The following DNAH9 variants were observed in gnomAD, a reference collection of about 807,000 sequenced individuals.
The protein encoded by DNAH9 is dynein axonemal heavy chain 9, also known as DNAH9 variant protein.
Under a neutral mutation model 471.6 loss-of-function variants are expected in DNAH9, and 345 were observed. The observed-to-expected ratio is 0.73, with a 90% confidence interval of 0.67 to 0.80. The LOEUF is 0.80. DNAH9 is among the 30% of genes least tolerant of loss of function. The pLI is 0.00. For synonymous variants in DNAH9, 2,093 were observed against 2,123.6 expected, an observed-to-expected ratio of 0.99 and a Z score of 0.40; for missense variants, 5,407 against 5,609.2, an observed-to-expected ratio of 0.96 and a Z score of 1.15.
intron 38 of DNAH9, among the ~76,000 whole-genome samples, chr17:11,777,280 C>T (rs999377361): frequency 2.6e-5 from 4 of 152,196 alleles, no homozygotes; most frequent in African/African-American, 9.7e-5. Context: ...TTTACAGTAA[C>T]TATGTCATCC....
chr17:11,891,860 C>G lies in DNAH9; in HGVS notation c.11196C>G (p.Asp3732Glu), dbSNP rs1597795444. ...GGGAGCGGGTGGCCAACCTAATAGACAGCATAACCTTCTCTGTGTACCAGT... is the reference window on the plus strand; with the variant it reads ...GGGAGCGGGTGGCCAACCTAATAGAGAGCATAACCTTCTCTGTGTACCAGT... ...SLRERVANLIDSITFSVYQYT... is the reference protein window; with the variant it reads ...SLRERVANLIESITFSVYQYT... The change falls in exon 58 of 69, where the codon GAC becomes GAG. Residue 3732 changes from aspartate to glutamate, a missense_variant. Asp to Glu is a conservative substitution (Grantham distance 45). This residue lies in a region of DNAH9 where 4,636 missense variants were observed against 4,900.3 expected (regional missense o/e 0.95). Transcript: ENST00000262442. The G allele has an allele frequency of 6.2e-7, 1 of 1,614,144 alleles. No homozygotes were observed. Among genetic ancestry groups the G allele is most frequent in the Non-Finnish European group, 8.5e-7 (1 of 1,180,010 alleles).
In DNAH9 at chr17:11,679,904, G is replaced by T. The variant is rs748510441; in HGVS notation, c.3501G>T (p.Glu1167Asp). 1.9e-6 allele frequency: 3 copies of T among 1,614,080 alleles called. No individual in the cohort carries two copies. Among genetic ancestry groups the T allele is most frequent in the Non-Finnish European group, 2.5e-6 (3 of 1,179,986 alleles). Residue 1167 changes from glutamate to aspartate, a missense_variant, in exon 18 of 69, where the codon GAG (glutamate) becomes GAT (aspartate). By Grantham distance (45) the Glu-to-Asp change is conservative. Coordinates refer to ENST00000262442, the MANE Select transcript of DNAH9 (RefSeq NM_001372.4). ...ERQSNTDEMF[E>D]PLKQTIELLK... Reference sequence around the variant, plus strand: ...AGAGTAACACTGATGAGATGTTTGAGCCCTTAAAGCAGACTATTGAATTGC... The same window carrying T: ...AGAGTAACACTGATGAGATGTTTGATCCCTTAAAGCAGACTATTGAATTGC...
chr17:11,960,482 G>A (rs188643934), intron 67 of DNAH9, among the ~76,000 whole-genome samples: 1,583 of 136,668 alleles, frequency 0.012, 36 homozygotes, highest in African/African-American at 0.04. Context: ...GGCTGGGTGC[G>A]GAGGCTCATG....
At chr17:11,908,797 G>A (rs1385024883) in intron 61 of DNAH9, among the ~76,000 whole-genome samples, 2 of 152,194 alleles carry the variant, frequency 1.3e-5, no homozygotes, top group African/African-American at 4.8e-5. Context: ...CCACAAGGAA[G>A]AGTCTTTGAT....
At chr17:11,969,186 A>T in intron 68 of DNAH9, 114 bp from the exon 69 acceptor site, 1 of 882,392 alleles carries the variant, frequency 1.1e-6, no homozygotes, top group East Asian at 2.4e-5. Flanking sequence ...GGCAGGCATA[A>T]AGGCAGCCAT....
At chr17:11,873,465 C>G (rs1239198762) in intron 52 of DNAH9, 1 of 152,170 alleles carries the variant, frequency 6.6e-6, no homozygotes, top group Admixed American at 6.5e-5. Context: ...TTGCTGGATA[C>G]TGTAGTACTG....
intron 67 of DNAH9, among the ~76,000 whole-genome samples, chr17:11,948,383 C>T (rs971933675): frequency 3.9e-5 from 6 of 151,956 alleles, no homozygotes; most frequent in Non-Finnish European, 7.4e-5. Flanking sequence ...TGCCTGCCAC[C>T]GTGCCCGGCT....
Position 11,598,792 on chromosome 17 carries a change from T to A in DNAH9, c.294T>A (p.Ala98=). ...GACCTGAGTCGGGCCTGGCTGGCGC[T>A]AAGGCGCTTTTTTTCCTTCGCACCG... is the stretch of plus-strand genomic sequence containing the variant. ...EVGPESGLAG[A]KALFFLRTGP... The change falls in exon 1 of 69, where the codon GCT becomes GCA. Residue 98 remains alanine (A), a synonymous_variant. Coordinates refer to ENST00000262442, the MANE Select transcript of DNAH9 (RefSeq NM_001372.4). The A allele has an allele frequency of 6.8e-7, 1 of 1,477,566 alleles. No individual in the cohort carries two copies. Among genetic ancestry groups the A allele is most frequent in the South Asian group, 1.3e-5 (1 of 79,166 alleles). The allele number at this position is 1,477,566 out of a possible 1,614,324, so 91.5% of individuals were successfully genotyped here.
intron 39 of DNAH9, 107 bp from the exon 40 acceptor site, chr17:11,783,539 A>T: frequency 1.4e-6 from 1 of 723,716 alleles, no homozygotes; most frequent in Non-Finnish European, 2.3e-6. Flanking sequence ...AGACTTTTTT[A>T]TCACCCAAAC....
chr17:11,658,751 G>A (rs1468770278), intron 14 of DNAH9, among the ~76,000 whole-genome samples: 3 of 151,876 alleles, frequency 2.0e-5, no homozygotes, highest in African/African-American at 4.8e-5. Context: ...ATCTCCTGAG[G>A]TGGTTATATA....
At chr17:11,790,970 G>GA (rs1225826518) in intron 41 of DNAH9, among the ~76,000 whole-genome samples, 8 of 151,998 alleles carry the variant, frequency 5.3e-5, no homozygotes, top group African/African-American at 1.9e-4. Context: ...TCTGTATTTT[G>GA]AAAACTCACT....
chr17:11,608,063 T>G, intron 1 of DNAH9, 66 bp from the exon 2 acceptor site: 28 of 1,275,632 alleles, frequency 2.2e-5, no homozygotes, highest in South Asian at 2.9e-5. Context: ...CTTTTCCAGA[T>G]GAGGATTTCT....
chr17:11,820,161 T>C (rs1253711668), intron 45 of DNAH9, among the ~76,000 whole-genome samples: 1 of 152,208 alleles, frequency 6.6e-6, no homozygotes, highest in Non-Finnish European at 1.5e-5. Context: ...TCCATTTCAA[T>C]GTCATATTGT....
chr17:11,604,085 T>C (rs1386249793), intron 1 of DNAH9, among the ~76,000 whole-genome samples: 2 of 151,642 alleles, frequency 1.3e-5, no homozygotes, highest in African/African-American at 4.8e-5. Context: ...TGCAGTGGCA[T>C]GATCTCCGCT....
intron 6 of DNAH9, among the ~76,000 whole-genome samples, chr17:11,621,185 G>A (rs549063693): frequency 7.9e-5 from 12 of 152,016 alleles, no homozygotes; most frequent in East Asian, 1.9e-4. Context: ...TGAGGCAGGC[G>A]AATCACAAGT....
chr17:11,919,309 C>G (rs1380647896), intron 61 of DNAH9, among the ~76,000 whole-genome samples: 1 of 151,890 alleles, frequency 6.6e-6, no homozygotes, highest in African/African-American at 2.4e-5. Context: ...TCCTGGCTAA[C>G]ACGGTGAAAC....
In DNAH9 at chr17:11,784,330, C is replaced by A; in HGVS notation, c.7852C>A (p.Pro2618Thr). ...RHFSVFVLSF[P>T]GADALSSIYS... is the part of the protein sequence containing the mutation. ...CTTCAGCGTGTTTGTCCTCTCCTTC[C>A]CGGGGGCAGATGCCCTGTCCTCTAT... The change falls in exon 41 of 69, where the codon CCG (proline) becomes ACG (threonine). Residue 2618 changes from proline to threonine, a missense_variant. Coordinates refer to ENST00000262442, the MANE Select transcript of DNAH9 (RefSeq NM_001372.4). 6.2e-7 allele frequency: 1 copy of A among 1,614,176 alleles called. No individual in the cohort carries two copies. The highest frequency in any genetic ancestry group is 8.5e-7 in the Non-Finnish European group (1 of 1,180,040).
At chr17:11,765,857 G>A (rs1302746018) in intron 36 of DNAH9, among the ~76,000 whole-genome samples, 4 of 152,208 alleles carry the variant, frequency 2.6e-5, no homozygotes, top group Non-Finnish European at 5.9e-5. Flanking sequence ...TCTCTGACCT[G>A]TGGGCTGGGA....
At chr17:11,930,481 G>A (rs895224889) in intron 63 of DNAH9, among the ~76,000 whole-genome samples, 4 of 152,272 alleles carry the variant, frequency 2.6e-5, no homozygotes, top group South Asian at 2.1e-4. Context: ...ATCACTTGAC[G>A]TCTACATGAA....
Sources: allele counts gnomAD v4.1 joint callset (sites outside exome capture counted in the v4.1 genomes callset), GRCh38; gene constraint gnomAD v4.1.1; regional missense constraint gnomAD v4.1.1; transcripts MANE v1.5; gene names NCBI Gene and HGNC (gene_info 2026-07-23, HGNC 2026-07-21).